Variants in GDPD4 observed in about 807,000 individuals in gnomAD.
GDPD4 encodes glycerophosphodiester phosphodiesterase domain containing 4.
In GDPD4, 60 loss-of-function variants were observed where a neutral mutation model predicts 67.8. The observed-to-expected ratio is 0.88, with a 90% CI of 0.72 to 1.10. GDPD4 has a LOEUF of 1.10. GDPD4 is among the 50% of genes least tolerant of loss of function. GDPD4 has a pLI of 0.00. For synonymous variants in GDPD4, 212 were observed against 210.9 expected, an observed-to-expected ratio of 1.00 and a Z score of -0.04; for missense variants, 623 against 613.9, an observed-to-expected ratio of 1.01 and a Z score of -0.16.
At chr11:77,268,644 G>T in intron 9 of GDPD4, 105 bp from the exon 10 acceptor site, 4 of 903,842 alleles carry the variant, frequency 4.4e-6, no homozygotes, top group South Asian at 1.5e-5. Context: ...AGCAGAGCTT[G>T]GCTCCCTGAG....
intron 16 of GDPD4, among the ~76,000 whole-genome samples, chr11:77,226,127 C>T (rs1958332136): frequency 6.6e-6 from 1 of 152,152 alleles, no homozygotes; most frequent in African/African-American, 2.4e-5. Flanking sequence ...TTAACTGTTA[C>T]TTTTTCTAAG....
At chr11:77,219,110 G>A (rs920100285) in intron 16 of GDPD4, among the ~76,000 whole-genome samples, 2 of 152,198 alleles carry the variant, frequency 1.3e-5, no homozygotes, top group African/African-American at 4.8e-5. Flanking sequence ...GTATCTCATT[G>A]TGGTTTTGTT....
chr11:77,289,764 A>C (rs1033907403), intron 1 of GDPD4, among the ~76,000 whole-genome samples: 3 of 132,460 alleles, frequency 2.3e-5, no homozygotes, highest in Admixed American at 8.1e-5. Context: ...CAGGGAAGGA[A>C]GGAGGGAGCG....
chr11:77,289,445 G>A (rs186056610), intron 1 of GDPD4, among the ~76,000 whole-genome samples: 15 of 151,112 alleles, frequency 9.9e-5, no homozygotes, highest in African/African-American at 3.4e-4. Flanking sequence ...AGGCCGGCTG[G>A]CCATAGTGGC....
intron 10 of GDPD4, 103 bp downstream of exon 10, chr11:77,268,354 T>TC (rs1478934302): frequency 4.0e-6 from 3 of 755,962 alleles, no homozygotes; most frequent in Non-Finnish European, 7.0e-6. Flanking sequence ...CAGGAACAAC[T>TC]CCCCAGGGCT....
chr11:77,248,655 T>C (rs909357974), intron 11 of GDPD4, among the ~76,000 whole-genome samples: 6 of 152,168 alleles, frequency 3.9e-5, no homozygotes, highest in Non-Finnish European at 5.9e-5. Flanking sequence ...AAACTATTAC[T>C]TTGAGACCAT....
At chr11:77,237,837 C>T (rs1030239667) in intron 13 of GDPD4, among the ~76,000 whole-genome samples, 1 of 152,132 alleles carries the variant, frequency 6.6e-6, no homozygotes, top group Non-Finnish European at 1.5e-5. Context: ...TAAGGCTGGG[C>T]GCAATGGCTC....
At chr11:77,253,106 C>T (rs1333032025) in intron 11 of GDPD4, among the ~76,000 whole-genome samples, 2 of 152,192 alleles carry the variant, frequency 1.3e-5, no homozygotes, top group African/African-American at 4.8e-5. Flanking sequence ...CATAGGTTGC[C>T]CACACCATCA....
At chr11:77,221,677 G>A (rs976308725) in intron 16 of GDPD4, among the ~76,000 whole-genome samples, 2 of 152,162 alleles carry the variant, frequency 1.3e-5, no homozygotes, top group African/African-American at 4.8e-5. Flanking sequence ...TGGAATGAGT[G>A]CAATGTGGTG....
intron 14 of GDPD4, 74 bp downstream of exon 14, chr11:77,232,951 G>T: frequency 1.4e-6 from 2 of 1,422,220 alleles, no homozygotes; most frequent in Non-Finnish European, 2.0e-6. Flanking sequence ...ATGGCACAGT[G>T]GGCAACACAG....
At chr11:77,272,058 G>A (rs553759671) in intron 5 of GDPD4, among the ~76,000 whole-genome samples, 6 of 152,198 alleles carry the variant, frequency 3.9e-5, no homozygotes, top group East Asian at 1.9e-4. Flanking sequence ...TCCTACATCC[G>A]TGCTGCCCTC....
rs114255278 is a variant in GDPD4 at position 77,275,548 on chromosome 11, C to T, written c.207+613G>A. Among the ~76,000 whole-genome samples, 917 of 152,236 alleles carry T rather than the reference C, an allele frequency of 6.0e-3. 8 individuals carry two copies. Among genetic ancestry groups the T allele is most frequent in the African/African-American group, 0.021 (886 of 41,548 alleles). On this transcript the variant is annotated intron_variant, in intron 5 of 16. Transcript: ENST00000315938. The stretch of plus-strand genomic sequence containing the variant: ...TGAAAACACACATAGAAAACGTCCA[C>T]GGGAAAACAAGCAACTGTACATTTA...
intron 13 of GDPD4, among the ~76,000 whole-genome samples, chr11:77,235,153 C>T (rs1272795990): frequency 6.7e-6 from 1 of 150,122 alleles, no homozygotes; most frequent in Non-Finnish European, 1.5e-5. Context: ...TTGTTAGTTG[C>T]TTGTATGTCT....
At chr11:77,293,329 CACTT>C (rs1937843445) in intron 1 of GDPD4, among the ~76,000 whole-genome samples, 1 of 152,228 alleles carries the variant, frequency 6.6e-6, no homozygotes, top group South Asian at 2.1e-4. Flanking sequence ...CATGGTCACT[CACTT>C]CTGTAATCCT....
intron 13 of GDPD4, among the ~76,000 whole-genome samples, chr11:77,233,446 GAAAAAAAA>G (rs34507126): frequency 2.3e-4 from 23 of 100,400 alleles, no homozygotes; most frequent in African/African-American, 8.0e-4. Flanking sequence ...AAAACATATT[GAAAAAAAA>G]AAAAAAAAAA....
intron 4 of GDPD4, 96 bp downstream of exon 4, chr11:77,279,210 A>G: frequency 2.8e-6 from 2 of 711,162 alleles, no homozygotes; most frequent in East Asian, 2.6e-5. Flanking sequence ...TTAGGTTCTG[A>G]GAGTCCCCAG....
intron 13 of GDPD4, among the ~76,000 whole-genome samples, chr11:77,233,446 G>GAAAAAAA (rs34507126): frequency 2.0e-5 from 2 of 100,392 alleles, no homozygotes; most frequent in Non-Finnish European, 3.8e-5. Flanking sequence ...AAAACATATT[G>GAAAAAAA]AAAAAAAAAA....
intron 1 of GDPD4, among the ~76,000 whole-genome samples, chr11:77,298,535 G>A (rs1319188973): frequency 1.3e-5 from 2 of 152,146 alleles, no homozygotes; most frequent in African/African-American, 4.8e-5. Context: ...GGTTGACAAT[G>A]GTTGAGTTTG....
At chr11:77,262,200 C>T (rs1347636587) in intron 10 of GDPD4, among the ~76,000 whole-genome samples, 1 of 152,208 alleles carries the variant, frequency 6.6e-6, no homozygotes, top group African/African-American at 2.4e-5. Context: ...TTTTGTCATG[C>T]AGAATCAGAA....
Sources: gnomAD v4.1 joint callset for allele counts (sites outside exome capture counted in the v4.1 genomes callset) on GRCh38, gnomAD v4.1.1 for gene constraint, MANE v1.5 for transcripts, NCBI Gene and HGNC (gene_info 2026-07-23, HGNC 2026-07-21) for gene names.